Variants in MYO1D observed in about 807,000 individuals in gnomAD.
MYO1D encodes myosin ID.
In MYO1D, 83 loss-of-function variants were observed where a neutral mutation model predicts 122.0. The observed-to-expected ratio is 0.68, with a 90% CI of 0.57 to 0.82. MYO1D has a LOEUF of 0.82. Among genes scored for constraint, MYO1D ranks in the 40% least tolerant of loss-of-function variants. The pLI is 0.00. For synonymous variants in MYO1D, 464 were observed against 446.9 expected (o/e 1.04, Z -0.48); for missense variants, 1,157 against 1,269.5 (o/e 0.91, Z 1.35).
intron 20 of MYO1D, among the ~76,000 whole-genome samples, chr17:32,616,995 C>T (rs1166315584): frequency 6.6e-6 from 1 of 152,126 alleles, no homozygotes; most frequent in Admixed American, 6.6e-5. Flanking sequence ...CAAGACCAGG[C>T]TGGCCAACAT....
At chr17:32,708,218 C>T (rs1395369917) in intron 16 of MYO1D, among the ~76,000 whole-genome samples, 1 of 152,046 alleles carries the variant, frequency 6.6e-6, no homozygotes, top group Non-Finnish European at 1.5e-5. Flanking sequence ...TAAAGTTGAT[C>T]ATAGAAATAC....
chr17:32,673,090 CTTTTT>C (rs60912187), intron 16 of MYO1D, among the ~76,000 whole-genome samples: 22 of 28,630 alleles, frequency 7.7e-4, no homozygotes, highest in Non-Finnish European at 1.4e-3. Context: ...AAACATGCTA[CTTTTT>C]TTTTTTTTTT....
intron 21 of MYO1D, among the ~76,000 whole-genome samples, chr17:32,524,046 TGTGCTGCTGC>T (rs1246968160): frequency 6.6e-6 from 1 of 152,262 alleles, no homozygotes; most frequent in African/African-American, 2.4e-5. Context: ...GTAATCAGCA[TGTGCTGCTGC>T]TATTATGATT....
chr17:32,550,794 G>T (rs2087007430), intron 21 of MYO1D, among the ~76,000 whole-genome samples: 1 of 152,116 alleles, frequency 6.6e-6, no homozygotes, highest in Admixed American at 6.5e-5. Context: ...CCAGGAGTTG[G>T]AGACCAGCCT....
rs372811516 is a variant in MYO1D at position 32,516,677 on chromosome 17, G to A, written c.2865-21762C>T. 9.2e-5 allele frequency among the ~76,000 whole-genome samples: 14 copies of A among 152,320 alleles called. No homozygotes were observed. In the East Asian group the frequency reaches 2.3e-3, roughly 25 times the overall value. On this transcript the variant is annotated intron_variant, in intron 21 of 21. Coordinates refer to ENST00000318217, the MANE Select transcript of MYO1D (RefSeq NM_015194.3). Reference sequence around the variant, plus strand: ...GAGCGCAGACACACTTCCAATAGAAGGCCAATTGCATCTGATACCTCAGTG... The same window carrying A: ...GAGCGCAGACACACTTCCAATAGAAAGCCAATTGCATCTGATACCTCAGTG...
intron 1 of MYO1D, among the ~76,000 whole-genome samples, chr17:32,855,629 A>G (rs377313601): frequency 2.4e-4 from 37 of 152,208 alleles, no homozygotes; most frequent in African/African-American, 8.7e-4. Context: ...CATCTAACAT[A>G]GTACTTTCCC....
intron 7 of MYO1D, among the ~76,000 whole-genome samples, chr17:32,765,584 G>A (rs1045315673): frequency 7.9e-5 from 12 of 151,954 alleles, no homozygotes; most frequent in Admixed American, 5.9e-4. Flanking sequence ...TCAGCCTCCT[G>A]AAGAGCTGGG....
At chr17:32,558,606 G>A (rs1237390587) in intron 21 of MYO1D, among the ~76,000 whole-genome samples, 1 of 152,184 alleles carries the variant, frequency 6.6e-6, no homozygotes, top group Non-Finnish European at 1.5e-5. Flanking sequence ...TTCCTCCACA[G>A]TTCTCCCTGG....
intron 21 of MYO1D, among the ~76,000 whole-genome samples, chr17:32,561,417 T>G (rs551348304): frequency 6.5e-4 from 99 of 151,954 alleles, no homozygotes; most frequent in African/African-American, 2.3e-3. Context: ...TGGCTGGGTG[T>G]GGTGGCTCAT....
At chr17:32,537,857 T>C (rs1200432567) in intron 21 of MYO1D, among the ~76,000 whole-genome samples, 1 of 152,148 alleles carries the variant, frequency 6.6e-6, no homozygotes, top group Non-Finnish European at 1.5e-5. Context: ...ATTAACAATG[T>C]AAAAGTAAAG....
intron 20 of MYO1D, among the ~76,000 whole-genome samples, chr17:32,630,650 G>A (rs138261059): frequency 1.1e-3 from 172 of 151,732 alleles, no homozygotes; most frequent in African/African-American, 3.9e-3. Flanking sequence ...TCGGCTCACC[G>A]CAAGCTCCGC....
intron 21 of MYO1D, among the ~76,000 whole-genome samples, chr17:32,574,079 C>T (rs768094008): frequency 4.0e-5 from 6 of 150,392 alleles, no homozygotes; most frequent in Non-Finnish European, 7.4e-5. Context: ...GTCTCGATCT[C>T]CTGACCTCGT....
intron 3 of MYO1D, among the ~76,000 whole-genome samples, chr17:32,776,316 A>G (rs1415936764): frequency 6.6e-6 from 1 of 152,196 alleles, no homozygotes; most frequent in Admixed American, 6.5e-5. Context: ...TATAAAATCA[A>G]GTTGTCAAAT....
At chr17:32,828,246 G>A (rs1050978326) in intron 1 of MYO1D, among the ~76,000 whole-genome samples, 1 of 152,208 alleles carries the variant, frequency 6.6e-6, no homozygotes, top group South Asian at 2.1e-4. Flanking sequence ...GCCGGGCGCA[G>A]TGGCTCACGC....
intron 20 of MYO1D, among the ~76,000 whole-genome samples, chr17:32,617,694 G>C (rs978368816): frequency 2.0e-5 from 3 of 152,164 alleles, no homozygotes; most frequent in Non-Finnish European, 4.4e-5. Flanking sequence ...ACCCGCTTCA[G>C]CCTCCCAAAG....
chr17:32,817,902 G>A (rs1465698901), intron 1 of MYO1D, among the ~76,000 whole-genome samples: 3 of 151,688 alleles, frequency 2.0e-5, no homozygotes, highest in African/African-American at 4.8e-5. Context: ...CGAGGCGGGC[G>A]GATCACGAGG....
chr17:32,652,120 C>G (rs1178118387), intron 19 of MYO1D, among the ~76,000 whole-genome samples: 1 of 152,098 alleles, frequency 6.6e-6, no homozygotes, highest in Non-Finnish European at 1.5e-5. Context: ...GGTATTTGTA[C>G]AGATATATTT....
chr17:32,577,106 C>G (rs796722823), intron 21 of MYO1D, among the ~76,000 whole-genome samples: 9 of 152,210 alleles, frequency 5.9e-5, no homozygotes, highest in African/African-American at 1.4e-4. Context: ...AAAAAATTAG[C>G]CTGGTGTGGC....
chr17:32,777,467 A>G (rs1389988562), intron 3 of MYO1D, among the ~76,000 whole-genome samples: 1 of 152,174 alleles, frequency 6.6e-6, no homozygotes, highest in Non-Finnish European at 1.5e-5. Flanking sequence ...AAAAGGCTGC[A>G]CCACATAAGA....
Sources: gnomAD v4.1 joint callset for allele counts (sites outside exome capture counted in the v4.1 genomes callset) on GRCh38, gnomAD v4.1.1 for gene constraint, MANE v1.5 for transcripts, NCBI Gene and HGNC (gene_info 2026-07-23, HGNC 2026-07-21) for gene names.